Variants in NAV1 observed in about 807,000 individuals in gnomAD.
The protein encoded by NAV1 is pore membrane and/or filament interacting like protein 3.
NAV1 carries 18 observed loss-of-function variants against 175.2 expected under a neutral mutation model. The ratio of observed to expected loss-of-function variants is 0.10; its 90% confidence interval spans 0.07 to 0.15. The LOEUF (loss-of-function observed/expected upper bound fraction) is 0.15, where lower values mean the gene tolerates loss of function less well. NAV1 is among the 10% of genes least tolerant of loss of function. The pLI is 1.00. For synonymous variants in NAV1, 897 were observed against 978.7 expected (o/e 0.92, Z 1.56); for missense variants, 1,731 against 2,436.6 (o/e 0.71, Z 6.10).
chr1:201,747,885 T>C (rs566211796), intron 3 of NAV1, among the ~76,000 whole-genome samples: 15 of 152,374 alleles, frequency 9.8e-5, no homozygotes, highest in Admixed American at 8.5e-4. Flanking sequence ...ATTCCCATGC[T>C]TGCTGTCACT....
chr1:201,596,188 G>A (rs928680484), intron 2 of NAV1, among the ~76,000 whole-genome samples: 2 of 152,230 alleles, frequency 1.3e-5, no homozygotes, highest in African/African-American at 4.8e-5. Context: ...GCAATGCCTG[G>A]CATGTGGTAC....
chr1:201,687,716 T>C (rs1670738117), intron 1 of NAV1, among the ~76,000 whole-genome samples: 1 of 152,210 alleles, frequency 6.6e-6, no homozygotes, highest in Admixed American at 6.5e-5. Context: ...CCACCTACCC[T>C]GGATATTGGT....
chr1:201,608,768 C>A (rs923153425), intron 2 of NAV1, among the ~76,000 whole-genome samples: 1 of 152,172 alleles, frequency 6.6e-6, no homozygotes, highest in Non-Finnish European at 1.5e-5. Context: ...GCGCTGGGAC[C>A]TTGGGCAGTG....
At chr1:201,541,320 C>T (rs565945684) in intron 1 of NAV1, among the ~76,000 whole-genome samples, 26 of 152,152 alleles carry the variant, frequency 1.7e-4, no homozygotes, top group Non-Finnish European at 3.1e-4. Context: ...CATTTAAGTG[C>T]CATTTATTCA....
chr1:201,626,299 C>G (rs915288420), intron 1 of NAV1, among the ~76,000 whole-genome samples: 1 of 152,208 alleles, frequency 6.6e-6, no homozygotes, highest in Non-Finnish European at 1.5e-5. Context: ...GCCACCCGCC[C>G]CAGCACCTCA....
chr1:201,627,687 T>C (rs1231590449), intron 1 of NAV1, among the ~76,000 whole-genome samples: 1 of 152,172 alleles, frequency 6.6e-6, no homozygotes, highest in Non-Finnish European at 1.5e-5. Context: ...ACACATTATA[T>C]AGAATTCCCT....
chr1:201,588,205 T>C (rs541260674), intron 1 of NAV1, among the ~76,000 whole-genome samples: 39 of 152,330 alleles, frequency 2.6e-4, no homozygotes, highest in Admixed American at 1.4e-3. Flanking sequence ...TGATATATCA[T>C]ACAGTGGAAT....
At chr1:201,741,282 C>G (rs1343627466) in intron 3 of NAV1, among the ~76,000 whole-genome samples, 2 of 152,170 alleles carry the variant, frequency 1.3e-5, no homozygotes. Context: ...CCCGCTGACT[C>G]CAAACTTTTT....
intron 1 of NAV1, among the ~76,000 whole-genome samples, chr1:201,664,826 C>T (rs1558048927): frequency 6.6e-6 from 1 of 152,154 alleles, no homozygotes; most frequent in Non-Finnish European, 1.5e-5. Flanking sequence ...GCCTGCCCCT[C>T]TGCCACCAGT....
At chr1:201,542,381 A>G (rs1665539696) in intron 1 of NAV1, among the ~76,000 whole-genome samples, 1 of 152,198 alleles carries the variant, frequency 6.6e-6, no homozygotes, top group African/African-American at 2.4e-5. Flanking sequence ...ATACTTGGCA[A>G]ACACTTCGTC....
At position 201,810,037 on chromosome 1, in the gene NAV1, T is replaced by C. The variant is rs773448919; in HGVS notation, c.4493T>C (p.Leu1498Ser). 1 of 1,613,904 alleles carries C rather than the reference T, an allele frequency of 6.2e-7. No homozygotes were observed. The highest frequency in any genetic ancestry group is 2.2e-5 in the East Asian group (1 of 44,846). Residue 1498 changes from leucine to serine, a missense_variant, in exon 23 of 30, where the codon TTG becomes TCG. By Grantham distance (145) the Leu-to-Ser change is moderately radical. Around this residue, in one of 13 missense-constraint regions of NAV1, gnomAD observed 36 missense variants for 45.3 expected, o/e 0.80. Coordinates refer to ENST00000367296, the Ensembl canonical transcript of NAV1. The surrounding 1 kb of genome is among the most constrained non-coding windows in gnomAD (Gnocchi z 6.0). ...AGCATCAGCCACGTGAAACGAGTGT[T>C]GGATGCAGAGCCCCCCGAGATGCCT...
At chr1:201,752,261 T>G (rs902445711) in intron 3 of NAV1, among the ~76,000 whole-genome samples, 6 of 152,186 alleles carry the variant, frequency 3.9e-5, no homozygotes, top group Non-Finnish European at 5.9e-5. Context: ...CCCCCCATGG[T>G]GAGGGTGACA....
At chr1:201,765,075 A>T (rs1261287488) in intron 3 of NAV1, among the ~76,000 whole-genome samples, 1 of 152,216 alleles carries the variant, frequency 6.6e-6, no homozygotes, top group African/African-American at 2.4e-5. Context: ...CTAGATTTAG[A>T]ACCAAGCAGA....
At chr1:201,631,454 A>C (rs1419803466) in intron 2 of NAV1, among the ~76,000 whole-genome samples, 2 of 152,264 alleles carry the variant, frequency 1.3e-5, no homozygotes, top group African/African-American at 4.8e-5. Context: ...ACAAACCATC[A>C]GTGAGTGTTT....
chr1:201,686,656 A>G (rs1389237054), intron 1 of NAV1, among the ~76,000 whole-genome samples: 1 of 152,112 alleles, frequency 6.6e-6, no homozygotes, highest in Non-Finnish European at 1.5e-5. Context: ...CCCCCACTCC[A>G]ACCCATTTGC....
chr1:201,629,240 G>C (rs1204335777), intron 1 of NAV1, among the ~76,000 whole-genome samples, 164 bp from the exon 4 acceptor site: 1 of 152,240 alleles, frequency 6.6e-6, no homozygotes, highest in African/African-American at 2.4e-5. Context: ...CTGCTGGAGG[G>C]CAGGCATGTG....
At chr1:201,682,310 G>A (rs1359585598) in intron 1 of NAV1, among the ~76,000 whole-genome samples, 5 of 151,896 alleles carry the variant, frequency 3.3e-5, no homozygotes, top group Non-Finnish European at 7.4e-5. Context: ...AGAGAAAAAT[G>A]TTTTCCCCAT....
At chr1:201,714,365 CT>C (rs1431227108) in intron 2 of NAV1, among the ~76,000 whole-genome samples, 1 of 152,240 alleles carries the variant, frequency 6.6e-6, no homozygotes, top group African/African-American at 2.4e-5. Flanking sequence ...ACTCCTCCCC[CT>C]ATCCCCAGCC....
In NAV1 at chr1:201,803,598, C is replaced by T. The variant is rs763129333; in HGVS notation, c.3523C>T (p.Arg1175Trp). Residue 1175 changes from arginine (R) to tryptophan (W), a missense_variant, in exon 16 of 30, where the codon CGG becomes TGG. Physicochemically the swap from Arg to Trp is moderately radical, Grantham distance 101. Transcript: ENST00000367296. ...CCACTTGTACTTGGCCCTAGAACTT[C>T]GGATCAAGAGACAAAACTCCTCAGA... is the stretch of plus-strand genomic sequence containing the variant. 39 of 1,613,092 alleles carry T rather than the reference C, an allele frequency of 2.4e-5. No homozygotes were observed. Among genetic ancestry groups the T allele is most frequent in the South Asian group, 3.3e-5 (3 of 90,948 alleles).
Sources: gnomAD v4.1 joint callset for allele counts (sites outside exome capture counted in the v4.1 genomes callset) on GRCh38, gnomAD v4.1.1 for gene constraint, gnomAD v4.1.1 regional missense constraint, Gnocchi (gnomAD v3.1) non-coding constraint, MANE v1.5 for transcripts, NCBI Gene and HGNC (gene_info 2026-07-23, HGNC 2026-07-21) for gene names.